RTL4: variants seen among roughly 807,000 people sequenced by gnomAD.
RTL4 encodes retrotransposon Gag like 4.
RTL4 carries 4 observed loss-of-function variants against 5.3 expected under a neutral mutation model. That is an observed-to-expected ratio of 0.75 (90% CI 0.37 to 1.72). The LOEUF (loss-of-function observed/expected upper bound fraction) is 1.72. Ranked by LOEUF, RTL4 falls within the 40% of genes most tolerant of loss-of-function variation. RTL4 has a pLI of 0.04. For missense variants in RTL4, 260 were observed against 227.1 expected, an observed-to-expected ratio of 1.14 and a Z score of -0.93; for synonymous variants, 98 against 87.3, an observed-to-expected ratio of 1.12 and a Z score of -0.68.
At chrX:112,185,492 A>G in the RTL4 span, among the ~76,000 whole-genome samples, 619 of 106,926 alleles carry the variant, frequency 5.8e-3, 4 homozygotes, top group African/African-American at 0.02. Flanking sequence ...ATACTTTGTT[A>G]TATGCTGTGC....
At chrX:112,325,954 G>GA in the RTL4 span, among the ~76,000 whole-genome samples, 1 of 111,570 alleles carries the variant, frequency 9.0e-6, no homozygotes, top group Non-Finnish European at 1.9e-5. Flanking sequence ...ACATTTACAA[G>GA]AAAAAAACAA....
At chrX:112,373,685 A>AATATATATATAT in the RTL4 span, among the ~76,000 whole-genome samples, 3 of 104,654 alleles carry the variant, frequency 2.9e-5, no homozygotes, top group African/African-American at 1.1e-4. Context: ...TGAATTTTGA[A>AATATATATATAT]ATATATATAT....
the RTL4 span, among the ~76,000 whole-genome samples, chrX:112,201,981 G>A: frequency 9.1e-6 from 1 of 110,105 alleles, no homozygotes; most frequent in Admixed American, 9.7e-5. Context: ...GTTTGTGTGT[G>A]TGTGTGTGTG....
At chrX:112,096,421 T>C in the RTL4 span, among the ~76,000 whole-genome samples, 5 of 111,579 alleles carry the variant, frequency 4.5e-5, no homozygotes, top group African/African-American at 1.6e-4. Flanking sequence ...ATCACAGATA[T>C]GTTAACTATA....
the RTL4 span, among the ~76,000 whole-genome samples, chrX:112,132,207 C>T: frequency 8.0e-3 from 893 of 111,722 alleles, 5 homozygotes; most frequent in African/African-American, 0.027. Context: ...CTATCATCAT[C>T]CCTAGCTTTT....
the RTL4 span, among the ~76,000 whole-genome samples, chrX:112,310,411 TATATTTA>T: frequency 3.9e-5 from 1 of 25,633 alleles, no homozygotes; most frequent in South Asian, 2.9e-3. Context: ...TATATATATA[TATATTTA>T]ATATAATATA....
chrX:112,288,979 C>T, the RTL4 span, among the ~76,000 whole-genome samples: 1 of 111,614 alleles, frequency 9.0e-6, no homozygotes, highest in Admixed American at 9.5e-5. Flanking sequence ...TCCCTGGTAC[C>T]TATAAAGGTA....
At chrX:112,380,631 A>G in the RTL4 span, among the ~76,000 whole-genome samples, 3 of 112,338 alleles carry the variant, frequency 2.7e-5, no homozygotes, top group African/African-American at 3.2e-5. Flanking sequence ...GACCATAGAG[A>G]CACCGCATGG....
At chrX:112,397,322 G>T in the RTL4 span, among the ~76,000 whole-genome samples, 2 of 111,663 alleles carry the variant, frequency 1.8e-5, no homozygotes, top group Admixed American at 9.5e-5. Flanking sequence ...TGTGTAAATA[G>T]TTGTTCTATT....
At chrX:112,275,840 C>T in the RTL4 span, among the ~76,000 whole-genome samples, 2,099 of 111,278 alleles carry the variant, frequency 0.019, 55 homozygotes, top group African/African-American at 0.065. Flanking sequence ...GAGGTTAAGG[C>T]GAGAGGATTG....
At chrX:112,205,629 A>C in the RTL4 span, among the ~76,000 whole-genome samples, 1 of 111,044 alleles carries the variant, frequency 9.0e-6, no homozygotes, top group Non-Finnish European at 1.9e-5. Flanking sequence ...ACACACACGC[A>C]CACACACAGG....
the RTL4 span, among the ~76,000 whole-genome samples, chrX:112,241,738 G>T: frequency 6.3e-5 from 7 of 111,938 alleles, no homozygotes; most frequent in East Asian, 2.0e-3. Flanking sequence ...TCTTGTCATT[G>T]CTTTTGTTGT....
the RTL4 span, among the ~76,000 whole-genome samples, chrX:112,318,411 G>A: frequency 7.2e-5 from 8 of 111,167 alleles, no homozygotes; most frequent in East Asian, 2.8e-4. Context: ...TGTATTCCCC[G>A]CTATCTAGAA....
the RTL4 span, among the ~76,000 whole-genome samples, chrX:112,204,061 G>A: frequency 4.4e-5 from 5 of 112,506 alleles, no homozygotes; most frequent in East Asian, 1.4e-3. Context: ...AATGCCAAAA[G>A]GCATAAGAAA....
chrX:112,419,337 C>CTTTTTTTTTTTTTT, the RTL4 span, among the ~76,000 whole-genome samples: 2 of 24,375 alleles, frequency 8.2e-5, 1 homozygote, highest in African/African-American at 3.7e-4. Context: ...TTCCATTCAG[C>CTTTTTTTTTTTTTT]TTTTTTTTTT....
At chrX:112,237,183 T>A in the RTL4 span, among the ~76,000 whole-genome samples, 1 of 112,196 alleles carries the variant, frequency 8.9e-6, no homozygotes, top group Non-Finnish European at 1.9e-5. Context: ...ACTGACCTTC[T>A]GTAGTGTGAG....
chrX:112,116,831 T>G, the RTL4 span, among the ~76,000 whole-genome samples: 622 of 111,333 alleles, frequency 5.6e-3, 5 homozygotes, highest in Non-Finnish European at 8.0e-3. Context: ...ACAGCAGAAA[T>G]CACTGAGGGT....
At chrX:112,189,377 C>T in the RTL4 span, among the ~76,000 whole-genome samples, 1 of 112,064 alleles carries the variant, frequency 8.9e-6, no homozygotes, top group Non-Finnish European at 1.9e-5. Context: ...AAAAACGTGA[C>T]ACTTCACAGA....
chrX:112,308,539 G>A, the RTL4 span, among the ~76,000 whole-genome samples: 1 of 111,314 alleles, frequency 9.0e-6, no homozygotes, highest in African/African-American at 3.3e-5. Context: ...GGGAAATGGA[G>A]GACAGGTTGG....
Sources: gnomAD v4.1 joint callset for allele counts (sites outside exome capture counted in the v4.1 genomes callset) on GRCh38, gnomAD v4.1.1 for gene constraint, MANE v1.5 for transcripts, NCBI Gene and HGNC (gene_info 2026-07-23, HGNC 2026-07-21) for gene names.